TRIP12: variants seen among roughly 807,000 people sequenced by gnomAD.
TRIP12 encodes the protein thyroid hormone receptor interactor 12.
A neutral mutation model predicts 244.2 loss-of-function variants in TRIP12; 25 were observed. The observed-to-expected ratio is 0.10, with a 90% confidence interval of 0.07 to 0.14. The LOEUF (loss-of-function observed/expected upper bound fraction) is 0.14. Ranked by LOEUF, TRIP12 falls within the 10% of genes least tolerant of loss-of-function variation. The probability of loss-of-function intolerance (pLI) is 1.00; values close to 1 mark genes in which losing one functional copy is unlikely to be tolerated. For missense variants in TRIP12, 1,677 were observed against 2,486.4 expected (o/e 0.67, Z 6.92); for synonymous variants, 905 against 873.1 (o/e 1.04, Z -0.64).
chr2:229,777,048 G>A (rs538876415), intron 37 of TRIP12, among the ~76,000 whole-genome samples: 3 of 152,170 alleles, frequency 2.0e-5, no homozygotes, highest in East Asian at 1.9e-4. Flanking sequence ...TACATAATAT[G>A]TCCATCTAAA....
chr2:229,776,170 A>T (rs961109095), intron 37 of TRIP12, among the ~76,000 whole-genome samples: 2 of 152,316 alleles, frequency 1.3e-5, no homozygotes, highest in Non-Finnish European at 1.5e-5. Flanking sequence ...TAGAGGTAAC[A>T]ACAATACCCC....
chr2:229,803,084 T>G (rs1053363131), intron 20 of TRIP12, among the ~76,000 whole-genome samples: 2 of 152,254 alleles, frequency 1.3e-5, no homozygotes, highest in African/African-American at 4.8e-5. Flanking sequence ...TAGTATAAAC[T>G]ATATGCAAAT....
chr2:229,905,143 A>G (rs148114569), intron 1 of TRIP12, among the ~76,000 whole-genome samples: 3,171 of 152,212 alleles, frequency 0.021, 102 homozygotes, highest in African/African-American at 0.072. Context: ...GCGTGGTGGC[A>G]CATGCCTATA....
chr2:229,886,565 G>T (rs978878628), intron 1 of TRIP12, among the ~76,000 whole-genome samples: 1 of 151,758 alleles, frequency 6.6e-6, no homozygotes, highest in Non-Finnish European at 1.5e-5. Flanking sequence ...AGGTTCAAGC[G>T]ATTCTTCTGC....
intron 1 of TRIP12, among the ~76,000 whole-genome samples, chr2:229,916,466 A>T (rs1182661628): frequency 6.6e-6 from 1 of 152,136 alleles, no homozygotes; most frequent in Admixed American, 6.5e-5. Flanking sequence ...GAGGCAGGAG[A>T]ATCACTTGAA....
At chr2:229,794,912 C>T (rs2042435103) in intron 26 of TRIP12, 2 of 248,304 alleles carry the variant, frequency 8.1e-6, no homozygotes, top group South Asian at 2.6e-4. Flanking sequence ...TGAAGTGTAT[C>T]AATTTAAGGA....
chr2:229,810,315 G>T (rs947920163), intron 15 of TRIP12, among the ~76,000 whole-genome samples: 3 of 152,158 alleles, frequency 2.0e-5, no homozygotes, highest in Non-Finnish European at 4.4e-5. Flanking sequence ...CAAGAGCATT[G>T]CAATAAAATT....
chr2:229,868,722 C>T (rs191504486), intron 2 of TRIP12, among the ~76,000 whole-genome samples: 71 of 152,272 alleles, frequency 4.7e-4, no homozygotes, highest in African/African-American at 1.7e-3. Context: ...ACCGGTTAAA[C>T]AGACGAATGA....
chr2:229,814,153 A>G (rs1429097188), intron 12 of TRIP12, 80 bp downstream of exon 12: 4 of 1,535,108 alleles, frequency 2.6e-6, no homozygotes, highest in Admixed American at 3.7e-5. Flanking sequence ...CAAAAACTGC[A>G]ATCAAGTAGC....
intron 30 of TRIP12, among the ~76,000 whole-genome samples, chr2:229,790,155 A>G (rs1251676515): frequency 6.6e-6 from 1 of 152,232 alleles, no homozygotes; most frequent in Non-Finnish European, 1.5e-5. Flanking sequence ...TGAATACCTC[A>G]AAATTAAAAA....
At chr2:229,882,816 T>C (rs906776127) in intron 1 of TRIP12, among the ~76,000 whole-genome samples, 2 of 152,184 alleles carry the variant, frequency 1.3e-5, no homozygotes, top group Admixed American at 6.5e-5. Flanking sequence ...GTCACCTAGG[T>C]AACCTTAACA....
At chr2:229,901,730 C>T (rs1165604497) in intron 1 of TRIP12, among the ~76,000 whole-genome samples, 3 of 151,938 alleles carry the variant, frequency 2.0e-5, no homozygotes, top group Non-Finnish European at 4.4e-5. Context: ...AAGGAATATA[C>T]ACTCTACCAG....
chr2:229,898,307 CAG>C (rs2069483047), intron 1 of TRIP12, among the ~76,000 whole-genome samples: 1 of 152,202 alleles, frequency 6.6e-6, no homozygotes, highest in Non-Finnish European at 1.5e-5. Flanking sequence ...TTGACTCATT[CAG>C]AGATTTCCCC....
rs1003150959 is a variant in TRIP12, at chr2:229,797,697, T to A, written c.3617A>T (p.Asn1206Ile). ...QRLCAATEQL[N>I]LQVDGGAECL... is the part of the protein sequence containing the mutation. Reference sequence around the variant, plus strand: ...ATGCACTGGACACAGCACCTGGAGGTTGAGTTGTTCGGTTGCAGCACAAAG... The same window carrying A: ...ATGCACTGGACACAGCACCTGGAGGATGAGTTGTTCGGTTGCAGCACAAAG... Residue 1206 changes from asparagine to isoleucine, a missense_variant, in exon 24 of 42, where the codon AAC (asparagine) becomes ATC (isoleucine). By Grantham distance (149) the Asn-to-Ile change is moderately radical. This residue lies in a region of TRIP12 where 572 missense variants were observed against 867.8 expected (regional missense o/e 0.66). Coordinates refer to ENST00000675903, the MANE Select transcript of TRIP12 (RefSeq NM_001348323.3). 1.9e-6 allele frequency: 3 copies of A among 1,612,780 alleles called. No individual in the cohort carries two copies. Among genetic ancestry groups the A allele is most frequent in the Non-Finnish European group, 2.5e-6 (3 of 1,179,348 alleles).
In TRIP12 at chr2:229,764,406, T is replaced by C. The variant is rs2031184050; in HGVS notation, c.*3148A>G. 1 of 152,166 alleles carries C rather than the reference T, an allele frequency of 6.6e-6. No individual in the cohort carries two copies. The highest frequency in any genetic ancestry group is 2.4e-5 in the African/African-American group (1 of 41,430). The allele number at this position is 152,166 out of a possible 1,614,324, so 9.4% of individuals were successfully genotyped here. ...ATGGATCAAAAAACAAAGCCTAAAA[T>C]AAATGAAGGCTTGATCATTTTACTA... is the stretch of plus-strand genomic sequence containing the variant. On this transcript the variant is annotated 3_prime_UTR_variant, in exon 42 of 42. Transcript: ENST00000675903.
chr2:229,840,336 G>C (rs150451083), intron 5 of TRIP12, among the ~76,000 whole-genome samples: 1 of 152,086 alleles, frequency 6.6e-6, no homozygotes, highest in Admixed American at 6.5e-5. Flanking sequence ...TAAATATTGC[G>C]GAGAAATTCA....
At chr2:229,863,552 G>A (rs908264887) in intron 2 of TRIP12, among the ~76,000 whole-genome samples, 1 of 152,188 alleles carries the variant, frequency 6.6e-6, no homozygotes, top group Non-Finnish European at 1.5e-5. Flanking sequence ...CAGTGAGCCA[G>A]ATTCAGCCCA....
intron 2 of TRIP12, among the ~76,000 whole-genome samples, chr2:229,868,234 G>T (rs1387880052): frequency 6.6e-6 from 1 of 152,040 alleles, no homozygotes; most frequent in South Asian, 2.1e-4. Context: ...TTGAGACAGG[G>T]TCTCTAGTCC....
intron 5 of TRIP12, 45 bp downstream of exon 5, chr2:229,840,777 A>T (rs746576891): frequency 1.6e-6 from 2 of 1,277,370 alleles, no homozygotes; most frequent in Non-Finnish European, 2.2e-6. Context: ...AAATTGAGCA[A>T]CAGAATAAAA....
Sources: allele counts gnomAD v4.1 joint callset (sites outside exome capture counted in the v4.1 genomes callset), GRCh38; gene constraint gnomAD v4.1.1; regional missense constraint gnomAD v4.1.1; transcripts MANE v1.5; gene names NCBI Gene and HGNC (gene_info 2026-07-23, HGNC 2026-07-21).